Variants in DYNC1I1 observed in about 807,000 individuals in gnomAD.
DYNC1I1 encodes cytoplasmic dynein 1 intermediate chain 1.
In DYNC1I1, 43 loss-of-function variants were observed where a neutral mutation model predicts 86.6. That is an observed-to-expected ratio of 0.50 (90% CI 0.39 to 0.64). The LOEUF (loss-of-function observed/expected upper bound fraction) is 0.64. Ranked by LOEUF, DYNC1I1 falls within the 30% of genes least tolerant of loss-of-function variation. The pLI, the probability that DYNC1I1 is intolerant of heterozygous loss-of-function variation, is 0.00. For missense variants in DYNC1I1, 604 were observed against 788.8 expected, an observed-to-expected ratio of 0.77 and a Z score of 2.81; for synonymous variants, 262 against 283.7, an observed-to-expected ratio of 0.92 and a Z score of 0.77.
At chr7:96,037,328 T>C (rs1794949061) in intron 13 of DYNC1I1, among the ~76,000 whole-genome samples, 1 of 152,224 alleles carries the variant, frequency 6.6e-6, no homozygotes, top group South Asian at 2.1e-4. Context: ...ATTTGTTGTA[T>C]GCCTACTTTG....
chr7:96,012,618 G>A (rs758151096), intron 10 of DYNC1I1, among the ~76,000 whole-genome samples: 1 of 152,138 alleles, frequency 6.6e-6, no homozygotes, highest in Admixed American at 6.5e-5. Flanking sequence ...TGAGTATGAA[G>A]GTTGTTTGTC....
intron 5 of DYNC1I1, among the ~76,000 whole-genome samples, chr7:95,828,370 A>G (rs1458411669): frequency 6.6e-6 from 1 of 152,174 alleles, no homozygotes; most frequent in Admixed American, 6.5e-5. Flanking sequence ...CCAAACAAAA[A>G]TCAAACATAA....
chr7:95,781,329 C>T (rs1793987744), intron 1 of DYNC1I1, among the ~76,000 whole-genome samples: 1 of 152,170 alleles, frequency 6.6e-6, no homozygotes, highest in East Asian at 1.9e-4. Flanking sequence ...GGTGAAATCC[C>T]ATATCTTATG....
At chr7:96,062,431 CT>C (rs397840634) in intron 14 of DYNC1I1, among the ~76,000 whole-genome samples, 2,098 of 145,528 alleles carry the variant, frequency 0.014, 41 homozygotes, top group South Asian at 0.042. Context: ...TTGTTTTTTT[CT>C]TTTTTTTTTT....
chr7:95,836,107 G>C (rs1029613006), intron 5 of DYNC1I1, among the ~76,000 whole-genome samples: 1 of 152,156 alleles, frequency 6.6e-6, no homozygotes. Flanking sequence ...GCAGTGGCTG[G>C]TACCAATTGT....
chr7:96,065,019 A>T (rs1437426894), intron 14 of DYNC1I1, among the ~76,000 whole-genome samples: 1 of 152,080 alleles, frequency 6.6e-6, no homozygotes, highest in Non-Finnish European at 1.5e-5. Context: ...GGGTTCGATT[A>T]AAATATCTCA....
chr7:95,776,483 T>A (rs1432071240), intron 1 of DYNC1I1, among the ~76,000 whole-genome samples: 4 of 152,138 alleles, frequency 2.6e-5, no homozygotes, highest in African/African-American at 4.8e-5. Flanking sequence ...TTGAGGCAAA[T>A]TTTCATGCAT....
At chr7:95,851,791 A>G (rs1018741967) in intron 5 of DYNC1I1, among the ~76,000 whole-genome samples, 5 of 151,826 alleles carry the variant, frequency 3.3e-5, no homozygotes, top group African/African-American at 4.8e-5. Context: ...CAGCCTCCCA[A>G]CTAGCTGGGT....
At chr7:95,948,913 C>A (rs1792476588) in intron 6 of DYNC1I1, among the ~76,000 whole-genome samples, 1 of 152,136 alleles carries the variant, frequency 6.6e-6, no homozygotes, top group Non-Finnish European at 1.5e-5. Context: ...TATCCAGATA[C>A]CCAGTGTCTT....
At chr7:95,911,372 G>A (rs183757285) in intron 6 of DYNC1I1, among the ~76,000 whole-genome samples, 50 of 152,240 alleles carry the variant, frequency 3.3e-4, no homozygotes, top group Middle Eastern at 3.4e-3. Flanking sequence ...GAGTGGGGCC[G>A]GTGGAGAGAC....
chr7:96,046,669 C>G (rs1789225407), intron 14 of DYNC1I1, among the ~76,000 whole-genome samples: 1 of 152,126 alleles, frequency 6.6e-6, no homozygotes. Context: ...CAGGTGAGAG[C>G]CAGAATTTAG....
At chr7:95,996,543 T>G (rs1793872719) in intron 10 of DYNC1I1, among the ~76,000 whole-genome samples, 2 of 152,212 alleles carry the variant, frequency 1.3e-5, no homozygotes, top group Admixed American at 1.3e-4. Context: ...GGGGCAAGAC[T>G]TACCACTCGT....
At chr7:95,808,419 C>G (rs1257809901) in intron 2 of DYNC1I1, among the ~76,000 whole-genome samples, 1 of 152,084 alleles carries the variant, frequency 6.6e-6, no homozygotes, top group East Asian at 1.9e-4. Context: ...GTAAAAATTA[C>G]CACCCTTTGC....
At chr7:95,974,386 G>T (rs1793250597) in intron 6 of DYNC1I1, among the ~76,000 whole-genome samples, 1 of 152,156 alleles carries the variant, frequency 6.6e-6, no homozygotes, top group Non-Finnish European at 1.5e-5. Flanking sequence ...TTATGCTTAA[G>T]TATGTTCCCA....
chr7:95,856,437 C>T (rs1177967220), intron 5 of DYNC1I1, among the ~76,000 whole-genome samples: 2 of 152,028 alleles, frequency 1.3e-5, no homozygotes, highest in African/African-American at 2.4e-5. Flanking sequence ...ATCATACATT[C>T]GCTTGTAAGC....
At chr7:95,965,651 G>A (rs1034235673) in intron 6 of DYNC1I1, among the ~76,000 whole-genome samples, 2 of 152,092 alleles carry the variant, frequency 1.3e-5, no homozygotes, top group Non-Finnish European at 2.9e-5. Context: ...TTGAACTCGA[G>A]CAATATGGCA....
At chr7:95,972,408 A>G (rs1329101284) in intron 6 of DYNC1I1, among the ~76,000 whole-genome samples, 2 of 152,104 alleles carry the variant, frequency 1.3e-5, no homozygotes, top group Non-Finnish European at 2.9e-5. Flanking sequence ...TCCAAAGACA[A>G]AGCCTGAGTT....
rs1791046727 is a variant in DYNC1I1, at chr7:96,097,408, C to CTTGA, written c.1777-75_1777-74insTTGA. 4.6e-6 allele frequency: 7 copies of CTTGA among 1,529,272 alleles called. No individual in the cohort carries two copies. The South Asian group carries it at 7.0e-5, about 15-fold the overall frequency. 94.7% of individuals were successfully genotyped at this position (1,529,272 alleles called of 1,614,324 possible). ...TTTGGAGGGTGTGGGGGCAAAGGGA[C>CTTGA]AGTCATTCAGGCTTCAAGGCTTTCA... On this transcript the variant is annotated intron_variant, in intron 16 of 16. Coordinates refer to ENST00000447467, the MANE Select transcript of DYNC1I1 (RefSeq NM_001135556.2).
chr7:96,030,377 T>TGTG (rs1794781473), intron 11 of DYNC1I1, among the ~76,000 whole-genome samples: 1 of 144,990 alleles, frequency 6.9e-6, no homozygotes, highest in Non-Finnish European at 1.5e-5. Context: ...TGTGTGTGTG[T>TGTG]AGGCATGCTC....
Sources: gnomAD v4.1 joint callset for allele counts (sites outside exome capture counted in the v4.1 genomes callset) on GRCh38, gnomAD v4.1.1 for gene constraint, MANE v1.5 for transcripts, NCBI Gene and HGNC (gene_info 2026-07-23, HGNC 2026-07-21) for gene names.